BTAF1: variants seen among roughly 807,000 people sequenced by gnomAD.
BTAF1 encodes the protein B-TFIID TATA-box binding protein associated factor 1, also known as TATA-binding protein-associated factor 172.
Under a neutral mutation model 227.1 loss-of-function variants are expected in BTAF1, and 38 were observed. The ratio of observed to expected loss-of-function variants is 0.17; its 90% CI spans 0.13 to 0.22. The LOEUF is 0.22. Ranked by LOEUF, BTAF1 falls within the 10% of genes least tolerant of loss-of-function variation. The pLI is 1.00. For synonymous variants in BTAF1, 742 were observed against 751.9 expected (o/e 0.99, Z 0.21); for missense variants, 1,598 against 2,204.0 (o/e 0.73, Z 5.51).
Position 91,993,847 on chromosome 10 carries a change from G to A in BTAF1, c.3199G>A (p.Asp1067Asn). ...GAATACAATCGACATAAATAATTTT[G>A]GTATACACATATTTTTATGAGTCCA... is the stretch of plus-strand genomic sequence containing the variant. ...LRNTIDINNF[D>N]GKSLLDKGDS... Residue 1067 changes from aspartate (D) to asparagine (N), a missense_variant and splice_region_variant, in exon 22 of 38, where the codon GAT becomes AAT. Around this residue, in one of 10 missense-constraint regions of BTAF1, gnomAD observed 425 missense variants for 491.2 expected, o/e 0.87. Coordinates refer to ENST00000265990, the MANE Select transcript of BTAF1 (RefSeq NM_003972.3). 6.4e-7 allele frequency: 1 copy of A among 1,574,670 alleles called. No homozygotes were observed. Among genetic ancestry groups the A allele is most frequent in the Non-Finnish European group, 8.6e-7 (1 of 1,157,302 alleles).
At chr10:91,948,095 G>T (rs1845506197) in intron 4 of BTAF1, among the ~76,000 whole-genome samples, 1 of 151,902 alleles carries the variant, frequency 6.6e-6, no homozygotes, top group African/African-American at 2.4e-5. Flanking sequence ...TGCCGTGTTG[G>T]TTTGCTGCAC....
intron 25 of BTAF1, among the ~76,000 whole-genome samples, chr10:92,006,828 A>G (rs1006337872): frequency 6.6e-6 from 1 of 152,208 alleles, no homozygotes; most frequent in Non-Finnish European, 1.5e-5. Context: ...GGCTATGTTA[A>G]TATACTTTCT....
chr10:91,935,452 C>T (rs149451619), intron 1 of BTAF1, among the ~76,000 whole-genome samples: 3 of 152,078 alleles, frequency 2.0e-5, no homozygotes, highest in Admixed American at 6.6e-5. Flanking sequence ...TCTCTGAGAT[C>T]GACTTTTTAG....
chr10:91,968,388 T>C (rs1847072946), intron 14 of BTAF1, among the ~76,000 whole-genome samples: 1 of 152,256 alleles, frequency 6.6e-6, no homozygotes, highest in African/African-American at 2.4e-5. Flanking sequence ...GTAGCCCATT[T>C]CTTTTTATCA....
At chr10:91,992,914 T>A (rs1848897036) in intron 21 of BTAF1, among the ~76,000 whole-genome samples, 1 of 152,224 alleles carries the variant, frequency 6.6e-6, no homozygotes. Flanking sequence ...ACAGTCACAT[T>A]ATTAGCAATA....
chr10:91,966,608 G>A (rs1036496121), intron 13 of BTAF1, 29 bp from the exon 14 acceptor site: 11 of 1,607,578 alleles, frequency 6.8e-6, no homozygotes, highest in Non-Finnish European at 4.3e-6. Flanking sequence ...CTTAGAATAA[G>A]TAAGATTAAT....
Position 92,001,983 on chromosome 10 carries a change from TATAC to T in BTAF1, c.3660+4234_3660+4237del, listed in dbSNP as rs1477222855. Among the ~76,000 whole-genome samples, 86 of 89,292 alleles carry T rather than the reference TATAC, an allele frequency of 9.6e-4. 1 individual carries two copies. Among genetic ancestry groups the T allele is most frequent in the Middle Eastern group, 5.9e-3 (1 of 170 alleles). The allele number at this position is 89,292 out of a possible 152,430, so 58.6% of individuals were successfully genotyped here. On this transcript the variant is annotated intron_variant, in intron 25 of 37. Transcript: ENST00000265990. Reference sequence around the variant, plus strand: ...AAAAAAAAAACCATATATATATATATATACACACACACACACACACACACACACA... The same window carrying T: ...AAAAAAAAAACCATATATATATATATACACACACACACACACACACACACA...
At chr10:91,953,593 C>G in intron 5 of BTAF1, 144 bp from the exon 6 acceptor site, 1 of 895,238 alleles carries the variant, frequency 1.1e-6, no homozygotes, top group Non-Finnish European at 1.7e-6. Flanking sequence ...AGTCATACAA[C>G]AAAAGAGTGT....
chr10:92,024,674 C>A (rs1590002945), intron 34 of BTAF1, 82 bp from the exon 35 acceptor site: 4 of 1,191,860 alleles, frequency 3.4e-6, no homozygotes, highest in East Asian at 4.8e-5. Flanking sequence ...CCTTTTCTTG[C>A]CACAGAGAGG....
rs780598583 is a variant in BTAF1, at chr10:91,935,673, A to G, written c.31A>G (p.Ile11Val). Residue 11 changes from isoleucine (I) to valine (V), a missense_variant, in exon 2 of 38, where the codon ATT becomes GTT. Coordinates refer to ENST00000265990, the MANE Select transcript of BTAF1 (RefSeq NM_003972.3). The stretch of plus-strand genomic sequence containing the variant: ...TTATTTCAGGCTAGATCGCCTTTTT[A>G]TTTTACTGGATACTGGCACTACTCC... MAVSRLDRLFILLDTGTTPVT... is the reference protein window; with the variant it reads MAVSRLDRLFVLLDTGTTPVT... 1 of 1,612,902 alleles carries G rather than the reference A, an allele frequency of 6.2e-7. No homozygotes were observed. The highest frequency in any genetic ancestry group is 8.5e-7 in the Non-Finnish European group (1 of 1,179,540).
At position 92,030,463 on chromosome 10, in the gene BTAF1, A is replaced by G. The variant is rs1851822240; in HGVS notation, c.*1530A>G. ...GAACATTTCAGTATATTTGAGTTGA[A>G]TATTTTTTTATTAACTATTTATTTG... On this transcript the variant is annotated 3_prime_UTR_variant, in exon 38 of 38. Transcript: ENST00000265990. The G allele has an allele frequency of 6.6e-6, 1 of 152,130 alleles. No individual in the cohort carries two copies. Among genetic ancestry groups the G allele is most frequent in the African/African-American group, 2.4e-5 (1 of 41,452 alleles). 9.4% of individuals were successfully genotyped at this position (152,130 alleles called of 1,614,324 possible).
At chr10:91,961,724 G>A (rs1010117111) in intron 11 of BTAF1, among the ~76,000 whole-genome samples, 6 of 152,098 alleles carry the variant, frequency 3.9e-5, no homozygotes, top group Non-Finnish European at 8.8e-5. Context: ...TCCCTATTTC[G>A]TAGTGAAACC....
chr10:91,962,234 T>C (rs1270853621), intron 11 of BTAF1, among the ~76,000 whole-genome samples: 1 of 152,202 alleles, frequency 6.6e-6, no homozygotes, highest in Non-Finnish European at 1.5e-5. Context: ...TGTTAGTAGC[T>C]GCCTATGGTA....
chr10:92,008,338 G>A, intron 26 of BTAF1, 63 bp downstream of exon 26: 1 of 1,328,472 alleles, frequency 7.5e-7, no homozygotes, highest in South Asian at 1.5e-5. Context: ...TGGGTTTGTT[G>A]GGGGGGGCTT....
In BTAF1 at chr10:91,991,271, A is replaced by ATATATATATATAT. The variant is rs1564699914; in HGVS notation, c.2855-848_2855-847insTATATATATATAT. ...AAAAAAATATATAAATATAAATATA[A>ATATATATATATAT]ATATATATATATATATATATAAATT... is the stretch of plus-strand genomic sequence containing the variant. On this transcript the variant is annotated intron_variant, in intron 20 of 37. Coordinates refer to ENST00000265990, the MANE Select transcript of BTAF1 (RefSeq NM_003972.3). Among the ~76,000 whole-genome samples, 168 of 66,178 alleles carry ATATATATATATAT rather than the reference A, an allele frequency of 2.5e-3. 8 individuals are homozygous for ATATATATATATAT. The highest frequency in any genetic ancestry group is 0.013 in the East Asian group (14 of 1,086). The allele number at this position is 66,178 out of a possible 152,430, so 43.4% of individuals were successfully genotyped here.
intron 14 of BTAF1, among the ~76,000 whole-genome samples, chr10:91,975,761 TA>T (rs1308064523): frequency 6.6e-6 from 1 of 152,154 alleles, no homozygotes; most frequent in Non-Finnish European, 1.5e-5. Flanking sequence ...TGTGGGAAGA[TA>T]AAAGAGGGAC....
intron 1 of BTAF1, among the ~76,000 whole-genome samples, chr10:91,932,275 G>T (rs1232281498): frequency 6.6e-6 from 1 of 152,192 alleles, no homozygotes; most frequent in Non-Finnish European, 1.5e-5. Flanking sequence ...TGGGACAAGC[G>T]TAACTGCCTC....
chr10:91,956,724 T>G, intron 7 of BTAF1, 67 bp downstream of exon 7: 1 of 1,522,356 alleles, frequency 6.6e-7, no homozygotes, highest in Non-Finnish European at 8.9e-7. Context: ...CAGCGGTGGC[T>G]CACTCCTGTA....
intron 1 of BTAF1, among the ~76,000 whole-genome samples, chr10:91,925,129 G>A (rs182880914): frequency 1.4e-4 from 22 of 152,300 alleles, no homozygotes; most frequent in African/African-American, 4.8e-4. Context: ...AATAGTGTGT[G>A]GGAGAAGCCC....
Sources: gnomAD v4.1 joint callset for allele counts (sites outside exome capture counted in the v4.1 genomes callset) on GRCh38, gnomAD v4.1.1 for gene constraint, gnomAD v4.1.1 regional missense constraint, MANE v1.5 for transcripts, NCBI Gene and HGNC (gene_info 2026-07-23, HGNC 2026-07-21) for gene names.